Variants in NRG3 observed in about 807,000 individuals in gnomAD.
NRG3 encodes the protein neuregulin 3.
Under a neutral mutation model 66.9 loss-of-function variants are expected in NRG3, and 31 were observed. That is an observed-to-expected ratio of 0.46 (90% CI 0.35 to 0.63). NRG3 has a LOEUF of 0.63. NRG3 is among the 20% of genes least tolerant of loss of function. The pLI, the probability that NRG3 is intolerant of heterozygous loss-of-function variation, is 0.00. For missense variants in NRG3, 910 were observed against 878.9 expected (o/e 1.04, Z -0.45); for synonymous variants, 393 against 359.4 (o/e 1.09, Z -1.06).
At chr10:81,942,459 A>T (rs1372145152) in intron 1 of NRG3, among the ~76,000 whole-genome samples, 1 of 152,150 alleles carries the variant, frequency 6.6e-6, no homozygotes, top group Admixed American at 6.6e-5. Context: ...CACCCCCTCT[A>T]TAATTAGGTG....
chr10:82,282,628 A>G (rs964944760), intron 1 of NRG3, among the ~76,000 whole-genome samples: 5 of 152,276 alleles, frequency 3.3e-5, no homozygotes, highest in Admixed American at 1.3e-4. Context: ...TGGAGAAAAT[A>G]TAAGTATGTG....
intron 3 of NRG3, among the ~76,000 whole-genome samples, chr10:82,840,394 C>T (rs541286294): frequency 5.2e-4 from 79 of 150,798 alleles, no homozygotes; most frequent in Non-Finnish European, 9.4e-4. Flanking sequence ...CACATTATAG[C>T]GTGCATGTTC....
chr10:82,953,409 CCTT>C (rs1849719136), intron 5 of NRG3, among the ~76,000 whole-genome samples: 1 of 151,998 alleles, frequency 6.6e-6, no homozygotes, highest in African/African-American at 2.4e-5. Flanking sequence ...TTCACATAGT[CCTT>C]CTGCTAGATG....
At chr10:82,524,130 C>T (rs535238811) in intron 2 of NRG3, among the ~76,000 whole-genome samples, 159 of 152,098 alleles carry the variant, frequency 1.0e-3, no homozygotes, top group Non-Finnish European at 1.7e-3. Context: ...ACAAGAGGCA[C>T]CTTTGTGATT....
chr10:82,349,785 C>T, intron 1 of NRG3, among the ~76,000 whole-genome samples: 1 of 152,196 alleles, frequency 6.6e-6, no homozygotes, highest in East Asian at 1.9e-4. Context: ...TTTTTTAAGC[C>T]AGTCGGAAAA....
At chr10:82,280,837 A>C (rs2079085244) in intron 1 of NRG3, among the ~76,000 whole-genome samples, 1 of 152,224 alleles carries the variant, frequency 6.6e-6, no homozygotes, top group East Asian at 1.9e-4. Flanking sequence ...ACTAAAGGGA[A>C]GTTGAAGCTT....
chr10:82,688,739 CT>C (rs2054695686), intron 2 of NRG3, among the ~76,000 whole-genome samples: 1 of 150,588 alleles, frequency 6.6e-6, no homozygotes, highest in Non-Finnish European at 1.5e-5. Flanking sequence ...GAATGGCATT[CT>C]CCTAGAACAA....
chr10:82,600,049 A>G (rs1456532320), intron 2 of NRG3, among the ~76,000 whole-genome samples: 1 of 152,168 alleles, frequency 6.6e-6, no homozygotes, highest in Non-Finnish European at 1.5e-5. Context: ...GATGATTACC[A>G]TATTTCTGTT....
intron 1 of NRG3, among the ~76,000 whole-genome samples, chr10:82,260,150 A>C (rs764973312): frequency 2.0e-5 from 3 of 152,190 alleles, no homozygotes; most frequent in African/African-American, 4.8e-5. Context: ...AAAGCGATAC[A>C]TCTTCATAGT....
chr10:82,914,613 C>T (rs559859558), intron 4 of NRG3, among the ~76,000 whole-genome samples: 1 of 152,158 alleles, frequency 6.6e-6, no homozygotes, highest in East Asian at 1.9e-4. Context: ...TTTCTATTCT[C>T]CTGTTATTGT....
At chr10:82,791,935 A>G (rs923166213) in intron 3 of NRG3, among the ~76,000 whole-genome samples, 7 of 152,132 alleles carry the variant, frequency 4.6e-5, no homozygotes, top group Non-Finnish European at 2.9e-5. Flanking sequence ...TCCAGTGTTT[A>G]GTGGACTTCT....
chr10:82,643,244 G>C (rs2050703644), intron 2 of NRG3, among the ~76,000 whole-genome samples: 1 of 152,046 alleles, frequency 6.6e-6, no homozygotes, highest in Non-Finnish European at 1.5e-5. Context: ...TCAGGGCCAG[G>C]GGGGTGGTTT....
chr10:82,765,142 C>G (rs1196635337), intron 3 of NRG3, among the ~76,000 whole-genome samples: 5 of 151,914 alleles, frequency 3.3e-5, no homozygotes, highest in Non-Finnish European at 7.4e-5. Context: ...AAAACCAGAA[C>G]AAAAACCAGT....
chr10:82,546,202 G>A (rs765728062), intron 2 of NRG3, among the ~76,000 whole-genome samples: 1 of 152,032 alleles, frequency 6.6e-6, no homozygotes, highest in Non-Finnish European at 1.5e-5. Context: ...CAGGTGCTAG[G>A]GCTTGTATTC....
At chr10:82,235,459 G>A (rs940324190) in intron 1 of NRG3, among the ~76,000 whole-genome samples, 2 of 152,200 alleles carry the variant, frequency 1.3e-5, no homozygotes, top group East Asian at 1.9e-4. Context: ...ATTGGATTTT[G>A]TTTACATCTT....
At chr10:82,456,321 T>G (rs182924061) in intron 2 of NRG3, among the ~76,000 whole-genome samples, 2 of 152,068 alleles carry the variant, frequency 1.3e-5, no homozygotes, top group Non-Finnish European at 2.9e-5. Flanking sequence ...TTTTTATTTT[T>G]TAACTTATTA....
chr10:82,231,304 G>T (rs1382257731), intron 1 of NRG3, among the ~76,000 whole-genome samples: 5 of 151,582 alleles, frequency 3.3e-5, no homozygotes, highest in Non-Finnish European at 5.9e-5. Context: ...AGCCATGATT[G>T]TGCCATTGCA....
rs539933273 is a variant in NRG3, at chr10:82,703,851, G to T, written c.954-34726G>T. Among the ~76,000 whole-genome samples the T allele has an allele frequency of 1.4e-4, 21 of 152,046 alleles. 1 individual carries two copies. The South Asian group carries it at 4.2e-3, about 30-fold the overall frequency. On this transcript the variant is annotated intron_variant, in intron 2 of 8. Transcript: ENST00000372141. The stretch of plus-strand genomic sequence containing the variant: ...ATCTGAACATCAGATTTCTGTTTAG[G>T]CACCCAGAACTGGTTAATCAAATCA...
intron 2 of NRG3, among the ~76,000 whole-genome samples, chr10:82,705,023 CACAA>C (rs1565221089): frequency 1.3e-5 from 2 of 152,038 alleles, no homozygotes. Flanking sequence ...TAATAGTGTT[CACAA>C]ACAATTAGGG....
Sources: gnomAD v4.1 joint callset for allele counts (sites outside exome capture counted in the v4.1 genomes callset) on GRCh38, gnomAD v4.1.1 for gene constraint, MANE v1.5 for transcripts, NCBI Gene and HGNC (gene_info 2026-07-23, HGNC 2026-07-21) for gene names.